CNOT4: variants seen among roughly 807,000 people sequenced by gnomAD.
The protein encoded by CNOT4 is CCR4-associated factor 4.
CNOT4 carries 8 observed loss-of-function variants against 73.8 expected under a neutral mutation model. The ratio of observed to expected loss-of-function variants is 0.11; its 90% CI spans 0.06 to 0.20. CNOT4 has a LOEUF of 0.20. Ranked by LOEUF, CNOT4 falls within the 10% of genes least tolerant of loss-of-function variation. The pLI, the probability that CNOT4 is intolerant of heterozygous loss-of-function variation, is 1.00. For synonymous variants in CNOT4, 293 were observed against 321.1 expected (o/e 0.91, Z 0.94); for missense variants, 564 against 883.4 (o/e 0.64, Z 4.58).
At chr7:135,479,639 T>G (rs1243100280) in intron 1 of CNOT4, among the ~76,000 whole-genome samples, 1 of 152,132 alleles carries the variant, frequency 6.6e-6, no homozygotes, top group East Asian at 1.9e-4. Flanking sequence ...GGCTCACACC[T>G]GTAATCCCAG....
intron 10 of CNOT4, among the ~76,000 whole-genome samples, chr7:135,366,110 T>TA (rs1462451108): frequency 3.3e-5 from 5 of 152,210 alleles, no homozygotes; most frequent in Admixed American, 3.3e-4. Flanking sequence ...TAAATGATCT[T>TA]ACACCGAGTG....
chr7:135,499,741 A>C (rs572107573), intron 1 of CNOT4, among the ~76,000 whole-genome samples: 1 of 152,118 alleles, frequency 6.6e-6, no homozygotes, highest in African/African-American at 2.4e-5. Flanking sequence ...CCTATATTTG[A>C]TATTTTCTTC....
intron 1 of CNOT4, among the ~76,000 whole-genome samples, chr7:135,495,847 T>C (rs1011469868): frequency 9.2e-5 from 14 of 151,360 alleles, no homozygotes; most frequent in Admixed American, 1.3e-4. Context: ...GGTGGGAGGA[T>C]TGCTTGAGCC....
chr7:135,395,074 A>C (rs1383034615), intron 9 of CNOT4, among the ~76,000 whole-genome samples: 1 of 152,140 alleles, frequency 6.6e-6, no homozygotes, highest in Admixed American at 6.5e-5. Flanking sequence ...TAATTAAATA[A>C]AAATACAAAT....
intron 3 of CNOT4, among the ~76,000 whole-genome samples, chr7:135,418,459 T>C (rs1439116614): frequency 3.9e-5 from 6 of 152,314 alleles, no homozygotes; most frequent in Admixed American, 2.6e-4. Context: ...TACCAAAATA[T>C]CTTGCTATAT....
At chr7:135,479,724 T>G (rs563468697) in intron 1 of CNOT4, among the ~76,000 whole-genome samples, 1 of 151,806 alleles carries the variant, frequency 6.6e-6, no homozygotes, top group South Asian at 2.1e-4. Flanking sequence ...TGGAGAAACC[T>G]GGTCTCTATA....
chr7:135,487,929 C>A (rs1167628737), intron 1 of CNOT4, among the ~76,000 whole-genome samples: 1 of 151,954 alleles, frequency 6.6e-6, no homozygotes, highest in Non-Finnish European at 1.5e-5. Context: ...TGGTGGCGGG[C>A]ACCTGTAGTC....
chr7:135,366,152 T>A (rs1480573772), intron 10 of CNOT4, among the ~76,000 whole-genome samples: 2 of 152,166 alleles, frequency 1.3e-5, no homozygotes, highest in African/African-American at 2.4e-5. Context: ...ATGCAAATGA[T>A]CCTCCCTCTT....
rs112922220 is a variant in CNOT4, at chr7:135,445,701, C to A, written c.-92-7278G>T. Among the ~76,000 whole-genome samples, 4 of 152,030 alleles carry A rather than the reference C, an allele frequency of 2.6e-5. 1 individual carries two copies. Among genetic ancestry groups the A allele is most frequent in the African/African-American group, 9.7e-5 (4 of 41,442 alleles). On this transcript the variant is annotated intron_variant, in intron 1 of 11. Transcript: ENST00000541284. ...GGAATCTCTAATGTGAAAATGTATT[C>A]TATGAAAATAATTTTTTTAAATAAA...
At chr7:135,487,791 C>T (rs959930718) in intron 1 of CNOT4, among the ~76,000 whole-genome samples, 8 of 152,174 alleles carry the variant, frequency 5.3e-5, no homozygotes, top group Non-Finnish European at 8.8e-5. Context: ...CGGTGGCTTA[C>T]GCCTGTGGTC....
Position 135,363,311 on chromosome 7 carries a change from C to A in CNOT4, c.1841-125G>T. 1 of 820,626 alleles carries A rather than the reference C, an allele frequency of 1.2e-6. No homozygotes were observed. The highest frequency in any genetic ancestry group is 1.9e-6 in the Non-Finnish European group (1 of 519,236). 50.8% of individuals were successfully genotyped at this position (820,626 alleles called of 1,614,324 possible). On this transcript the variant is annotated intron_variant, in intron 11 of 11. Coordinates refer to ENST00000541284, the MANE Select transcript of CNOT4 (RefSeq NM_001190850.2). This position sits in a 1 kb window ranked among gnomAD's most constrained non-coding sequence, Gnocchi z 4.3. ...AAGAGATTACAATTTTAAACTCCTT[C>A]CAAATAAGACCTTTTAAACCAATCC...
At chr7:135,423,360 CAA>C (rs750892116) in intron 2 of CNOT4, among the ~76,000 whole-genome samples, 13 of 109,402 alleles carry the variant, frequency 1.2e-4, no homozygotes, top group Non-Finnish European at 9.8e-5. Context: ...AATGCCAAAC[CAA>C]AAAAAAAAAA....
chr7:135,414,839 A>G (rs544482386), intron 4 of CNOT4, among the ~76,000 whole-genome samples: 1 of 152,252 alleles, frequency 6.6e-6, no homozygotes, highest in East Asian at 1.9e-4. Context: ...AGCATAACAA[A>G]GACACTATTA....
At chr7:135,390,994 A>G (rs890937692) in intron 10 of CNOT4, among the ~76,000 whole-genome samples, 1 of 152,166 alleles carries the variant, frequency 6.6e-6, no homozygotes, top group African/African-American at 2.4e-5. Flanking sequence ...AGGTATCATG[A>G]TAACTGCTAA....
chr7:135,435,471 A>G (rs1301321110), intron 2 of CNOT4, among the ~76,000 whole-genome samples: 1 of 152,170 alleles, frequency 6.6e-6, no homozygotes, highest in East Asian at 1.9e-4. Flanking sequence ...TTTGCTTTTC[A>G]GGCCATCTAT....
At chr7:135,369,017 G>T (rs1795057682) in intron 10 of CNOT4, among the ~76,000 whole-genome samples, 1 of 152,132 alleles carries the variant, frequency 6.6e-6, no homozygotes, top group Admixed American at 6.5e-5. Flanking sequence ...AAGCCAATGG[G>T]TTTTTCCAGC....
chr7:135,434,068 T>G (rs994694616), intron 2 of CNOT4, among the ~76,000 whole-genome samples: 2 of 152,188 alleles, frequency 1.3e-5, no homozygotes, highest in African/African-American at 2.4e-5. Context: ...ACTAGCTCCC[T>G]ACTTGCATCT....
At chr7:135,486,222 T>C (rs895896504) in intron 1 of CNOT4, among the ~76,000 whole-genome samples, 4 of 151,868 alleles carry the variant, frequency 2.6e-5, no homozygotes, top group Admixed American at 6.6e-5. Flanking sequence ...ACAGTAAAGA[T>C]AACCAATTTG....
chr7:135,502,315 C>T (rs1371855390), intron 1 of CNOT4, among the ~76,000 whole-genome samples: 1 of 152,212 alleles, frequency 6.6e-6, no homozygotes, highest in Non-Finnish European at 1.5e-5. Context: ...TCATCTTCTT[C>T]AGGAAGCCTC....
Sources: allele counts gnomAD v4.1 joint callset (sites outside exome capture counted in the v4.1 genomes callset), GRCh38; gene constraint gnomAD v4.1.1; non-coding constraint Gnocchi (gnomAD v3.1); transcripts MANE v1.5; gene names NCBI Gene and HGNC (gene_info 2026-07-23, HGNC 2026-07-21).